MEGF8: variants seen among roughly 807,000 people sequenced by gnomAD.
The protein encoded by MEGF8 is multiple EGF like domains 8, also known as multiple epidermal growth factor-like domains protein 8.
Under a neutral mutation model 302.9 loss-of-function variants are expected in MEGF8, and 156 were observed. The ratio of observed to expected loss-of-function variants is 0.52; its 90% CI spans 0.45 to 0.59. MEGF8 has a LOEUF of 0.59. Ranked by LOEUF, MEGF8 falls within the 20% of genes least tolerant of loss-of-function variation. The pLI is 0.00. For missense variants in MEGF8, 3,345 were observed against 3,964.5 expected, an observed-to-expected ratio of 0.84 and a Z score of 4.20; for synonymous variants, 1,621 against 1,660.5, an observed-to-expected ratio of 0.98 and a Z score of 0.58.
In MEGF8 at chr19:42,351,368, G is replaced by A; in HGVS notation, c.2855+34G>A. ...GGCTGGGTGCAGGGAGTGGGTGGGT[G>A]GATGTGCCTGGGGATGTGTGCTGGC... On this transcript the variant is annotated intron_variant, in intron 16 of 41. Coordinates refer to ENST00000251268, the MANE Select transcript of MEGF8 (RefSeq NM_001271938.2). The surrounding 1 kb of genome is among the most constrained non-coding windows in gnomAD (Gnocchi z 5.6). 6.4e-7 allele frequency: 1 copy of A among 1,568,736 alleles called. No homozygotes were observed.
rs1243216045 is a variant in MEGF8, at chr19:42,351,320, C to A, written c.2841C>A (p.Pro947=). The A allele has an allele frequency of 6.4e-7, 1 of 1,567,852 alleles. No homozygotes were observed. The highest frequency in any genetic ancestry group is 1.3e-5 in the African/African-American group (1 of 74,140). The change falls in exon 16 of 42, where the codon CCC becomes CCA. Residue 947 remains proline, a synonymous_variant. Transcript: ENST00000251268. This position sits in a 1 kb window ranked among gnomAD's most constrained non-coding sequence, Gnocchi z 5.6. ...RGALKSPEEC[P]PLCSQRLTCE... ...CCCTGAAGAGTCCAGAGGAGTGTCC[C>A]CCGCTCTGCAGCCAGTGAGTCAGGC...
In MEGF8 at chr19:42,331,492, G is replaced by C. The variant is rs191384161; in HGVS notation, c.188-2113G>C. ...GGAATGAGAGAGGCTACCTGAACTA[G>C]GACTGGCAGAGAATAAGACAGTGAC... On this transcript the variant is annotated intron_variant, in intron 1 of 41. Transcript: ENST00000251268. Among the ~76,000 whole-genome samples, 10 of 152,358 alleles carry C rather than the reference G, an allele frequency of 6.6e-5. No individual in the cohort carries two copies. The East Asian group carries it at 1.3e-3, about 21-fold the overall frequency.
At position 42,358,368 on chromosome 19, in the gene MEGF8, C is replaced by T. The variant is rs1261823331; in HGVS notation, c.5175+61C>T. 3.3e-6 allele frequency: 5 copies of T among 1,515,844 alleles called. No individual in the cohort carries two copies. In the African/African-American group the frequency reaches 5.7e-5, roughly 17 times the overall value. The allele number at this position is 1,515,844 out of a possible 1,614,324, so 93.9% of individuals were successfully genotyped here. A position where few individuals can be genotyped will look rare whatever the true frequency, so the allele number is the denominator to read the frequency against. On this transcript the variant is annotated intron_variant, in intron 29 of 41. Coordinates refer to ENST00000251268, the MANE Select transcript of MEGF8 (RefSeq NM_001271938.2). This position sits in a 1 kb window ranked among gnomAD's most constrained non-coding sequence, Gnocchi z 4.4. ...GGCAGGAGGGAGGGGTCCTCTTTCC[C>T]AGTGCCCCAGGGACTGGCTCCATCC...
rs1205433682 is a variant in MEGF8, at chr19:42,352,207, G to A, written c.3102-1G>A. On this transcript the variant is annotated splice_acceptor_variant, in intron 18 of 41. Transcript: ENST00000251268. LOFTEE classifies it high-confidence loss of function. This position sits in a 1 kb window ranked among gnomAD's most constrained non-coding sequence, Gnocchi z 4.4. Reference sequence around the variant, plus strand: ...CGCTTCTTCACTCTCCCACCCTGCAGGTGCCTACAGGGGGACTTCTCAGGG... The same window carrying A: ...CGCTTCTTCACTCTCCCACCCTGCAAGTGCCTACAGGGGGACTTCTCAGGG... The A allele has an allele frequency of 6.6e-7, 1 of 1,521,986 alleles. No individual in the cohort carries two copies. Among genetic ancestry groups the A allele is most frequent in the East Asian group, 2.4e-5 (1 of 42,348 alleles). The allele number at this position is 1,521,986 out of a possible 1,614,324, so 94.3% of individuals were successfully genotyped here. A position where few individuals can be genotyped will look rare whatever the true frequency, so the allele number is the denominator to read the frequency against.
Position 42,376,950 on chromosome 19 carries a change from AGTACCTACTCT to A in MEGF8, c.*178_*188del. On this transcript the variant is annotated 3_prime_UTR_variant, in exon 42 of 42. Coordinates refer to ENST00000251268, the MANE Select transcript of MEGF8 (RefSeq NM_001271938.2). The surrounding 1 kb of genome is among the most constrained non-coding windows in gnomAD (Gnocchi z 8.2). ...TTCTGCATTCAGCAGCTATTTATCG[AGTACCTACTCT>A]GTCAGGCACTGTCATAGGCGTGGGG... 1.6e-6 allele frequency: 1 copy of A among 622,024 alleles called. No individual in the cohort carries two copies. Among genetic ancestry groups the A allele is most frequent in the Admixed American group, 3.8e-5 (1 of 26,624 alleles). 38.5% of individuals were successfully genotyped at this position (622,024 alleles called of 1,614,324 possible).
At position 42,356,151 on chromosome 19, in the gene MEGF8, G is replaced by A; in HGVS notation, c.4461G>A (p.Gly1487=). The A allele has an allele frequency of 6.4e-7, 1 of 1,568,684 alleles. No homozygotes were observed. The highest frequency in any genetic ancestry group is 8.6e-7 in the Non-Finnish European group (1 of 1,156,126). ...GPDCATKLDG[G]QLVWETLMDS... ...ACTGCGCCACCAAGCTGGATGGCGG[G>A]CAGCTGGTCTGGGAGACCCTCATGG... Residue 1487 remains glycine, a synonymous_variant, in exon 25 of 42, where the codon GGG becomes GGA. Coordinates refer to ENST00000251268, the MANE Select transcript of MEGF8 (RefSeq NM_001271938.2). The surrounding 1 kb of genome is among the most constrained non-coding windows in gnomAD (Gnocchi z 5.2).
At chr19:42,345,800 G>A (rs1349066475) in intron 12 of MEGF8, among the ~76,000 whole-genome samples, 2 of 152,188 alleles carry the variant, frequency 1.3e-5, no homozygotes, top group Non-Finnish European at 2.9e-5. Flanking sequence ...AATTCTTGTG[G>A]CTGTATACCT....
At chr19:42,345,318 A>T (rs529933806) in intron 12 of MEGF8, among the ~76,000 whole-genome samples, 1 of 152,252 alleles carries the variant, frequency 6.6e-6, no homozygotes, top group Non-Finnish European at 1.5e-5. Flanking sequence ...TAAAATACAC[A>T]TAAAATTTTT....
At chr19:42,363,355 C>G in intron 35 of MEGF8, 93 bp downstream of exon 35, 1 of 1,038,290 alleles carries the variant, frequency 9.6e-7, no homozygotes, top group Non-Finnish European at 1.4e-6. Flanking sequence ...ACCATCTCCT[C>G]CACCCTCCTC....
chr19:42,355,253 G>A (rs1338173409), intron 23 of MEGF8, among the ~76,000 whole-genome samples: 3 of 149,996 alleles, frequency 2.0e-5, no homozygotes, highest in Admixed American at 6.7e-5. Flanking sequence ...TGCTGCGCCC[G>A]GCATATATAT....
intron 8 of MEGF8, among the ~76,000 whole-genome samples, chr19:42,341,928 C>T (rs192223196): frequency 2.6e-5 from 4 of 152,252 alleles, no homozygotes; most frequent in East Asian, 1.9e-4. Context: ...ACTTCGGGGA[C>T]GTGTGGGCTT....
chr19:42,348,284 C>T lies in MEGF8; in HGVS notation c.2110C>T (p.Arg704Cys), dbSNP rs1283291659. The T allele has an allele frequency of 5.9e-6, 9 of 1,537,250 alleles. No individual in the cohort carries two copies. The highest frequency in any genetic ancestry group is 7.0e-6 in the Non-Finnish European group (8 of 1,146,752). ...TSQPDKVSIVRSTTITLTPSA... is the reference protein window; with the variant it reads ...TSQPDKVSIVCSTTITLTPSA... Reference sequence around the variant, plus strand: ...CCTGGTGGCACAGGTCTCAATTGTCCGCAGCACGACCATCACCCTAACACC... The same window carrying T: ...CCTGGTGGCACAGGTCTCAATTGTCTGCAGCACGACCATCACCCTAACACC... The change falls in exon 13 of 42, where the codon CGC (arginine) becomes TGC (cysteine). Residue 704 changes from arginine to cysteine, a missense_variant. Arg to Cys is a radical substitution (Grantham distance 180). Coordinates refer to ENST00000251268, the MANE Select transcript of MEGF8 (RefSeq NM_001271938.2).
rs1473535926 is a variant in MEGF8, at chr19:42,353,628, G to A, written c.3714G>A (p.Glu1238=). Residue 1238 remains glutamate, a synonymous_variant, in exon 21 of 42, where the codon GAG becomes GAA. Transcript: ENST00000251268. This position sits in a 1 kb window ranked among gnomAD's most constrained non-coding sequence, Gnocchi z 6.1. ...TCTGCTTCTGCCAGGACCACACCGAGGGTGCCCACTGCCAGCTCTGCTCCC... is the reference window on the plus strand; with the variant it reads ...TCTGCTTCTGCCAGGACCACACCGAAGGTGCCCACTGCCAGCTCTGCTCCC... ...SGLCFCQDHT[E]GAHCQLCSPG... is the part of the protein sequence containing the mutation. The A allele has an allele frequency of 1.9e-6, 3 of 1,582,790 alleles. No individual in the cohort carries two copies. Among genetic ancestry groups the A allele is most frequent in the Non-Finnish European group, 2.6e-6 (3 of 1,162,742 alleles).
At position 42,363,058 on chromosome 19, in the gene MEGF8, C is replaced by T; in HGVS notation, c.6069C>T (p.Arg2023=). ...GTGCCCCACCCCCAGGGGAGACCCG[C>T]CGCATCCTCTCCGTGCAGCCCACCT... ...TRQFKRTGET[R]RILSVQPTYD... is the part of the protein sequence containing the mutation. Residue 2023 remains arginine, a synonymous_variant, in exon 35 of 42, where the codon CGC becomes CGT. Coordinates refer to ENST00000251268, the MANE Select transcript of MEGF8 (RefSeq NM_001271938.2). 6.2e-7 allele frequency: 1 copy of T among 1,612,910 alleles called. No homozygotes were observed. Among genetic ancestry groups the T allele is most frequent in the Non-Finnish European group, 8.5e-7 (1 of 1,179,476 alleles).
intron 1 of MEGF8, among the ~76,000 whole-genome samples, chr19:42,327,628 C>T (rs2147436359): frequency 6.6e-6 from 1 of 152,366 alleles, no homozygotes; most frequent in Middle Eastern, 3.4e-3. Flanking sequence ...GCCTCAGAAC[C>T]CTGCCCCAGT....
intron 12 of MEGF8, among the ~76,000 whole-genome samples, chr19:42,346,484 C>T (rs969170300): frequency 6.6e-6 from 1 of 151,962 alleles, no homozygotes; most frequent in Admixed American, 6.5e-5. Context: ...TGAGATCAGC[C>T]TGGCCAACAT....
In MEGF8 at chr19:42,353,966, G is replaced by C. The variant is rs2039414674; in HGVS notation, c.3953G>C (p.Gly1318Ala). Reference sequence around the variant, plus strand: ...GAGGAGCTACAGCCCTGTGCTCCCGGGACCCTCTGTCCCCCACTCACCCTC... The same window carrying C: ...GAGGAGCTACAGCCCTGTGCTCCCGCGACCCTCTGTCCCCCACTCACCCTC... ...ATEELQPCAP[G>A]TLCPPLTLTF... The change falls in exon 22 of 42, where the codon GGG (glycine) becomes GCG (alanine). Residue 1318 changes from glycine (G) to alanine (A), a missense_variant. Gly to Ala is a moderately conservative substitution (Grantham distance 60). Coordinates refer to ENST00000251268, the MANE Select transcript of MEGF8 (RefSeq NM_001271938.2). The surrounding 1 kb of genome is among the most constrained non-coding windows in gnomAD (Gnocchi z 6.1). 5 of 1,582,534 alleles carry C rather than the reference G, an allele frequency of 3.2e-6. No homozygotes were observed. The highest frequency in any genetic ancestry group is 4.3e-6 in the Non-Finnish European group (5 of 1,164,612).
Position 42,352,897 on chromosome 19 carries a change from C to A in MEGF8, c.3351-31C>A. The A allele has an allele frequency of 2.0e-6, 3 of 1,517,080 alleles. No individual in the cohort carries two copies. The highest frequency in any genetic ancestry group is 2.7e-6 in the Non-Finnish European group (3 of 1,114,460). The allele number at this position is 1,517,080 out of a possible 1,614,324, so 94.0% of individuals were successfully genotyped here. A position where few individuals can be genotyped will look rare whatever the true frequency, so the allele number is the denominator to read the frequency against. ...CTTTAGGGGCTCTGGGCCTGCCTGG[C>A]GCTTTCCCCACCCCCAACACGGCCC... is the stretch of plus-strand genomic sequence containing the variant. On this transcript the variant is annotated intron_variant, in intron 19 of 41. Coordinates refer to ENST00000251268, the MANE Select transcript of MEGF8 (RefSeq NM_001271938.2). This position sits in a 1 kb window ranked among gnomAD's most constrained non-coding sequence, Gnocchi z 4.4.
At chr19:42,345,128 C>T (rs778133282) in intron 12 of MEGF8, among the ~76,000 whole-genome samples, 3 of 152,118 alleles carry the variant, frequency 2.0e-5, no homozygotes, top group Non-Finnish European at 2.9e-5. Context: ...CCCGCCACTG[C>T]GCCCAGCTAA....
Sources: gnomAD v4.1 joint callset for allele counts (sites outside exome capture counted in the v4.1 genomes callset) on GRCh38, gnomAD v4.1.1 for gene constraint, Gnocchi (gnomAD v3.1) non-coding constraint, MANE v1.5 for transcripts, NCBI Gene and HGNC (gene_info 2026-07-23, HGNC 2026-07-21) for gene names.